Variants in USP32 observed in about 807,000 individuals in gnomAD.
USP32 encodes ubiquitin carboxyl-terminal hydrolase 32.
Under a neutral mutation model 204.8 loss-of-function variants are expected in USP32, and 59 were observed. The ratio of observed to expected loss-of-function variants is 0.29; its 90% CI spans 0.23 to 0.36. The LOEUF (loss-of-function observed/expected upper bound fraction) is 0.36, where lower values mean the gene tolerates loss of function less well. Ranked by LOEUF, USP32 falls within the 10% of genes least tolerant of loss-of-function variation. The pLI, the probability that USP32 is intolerant of heterozygous loss-of-function variation, is 1.00. For missense variants in USP32, 1,160 were observed against 1,946.4 expected (o/e 0.60, Z 7.60); for synonymous variants, 517 against 678.4 (o/e 0.76, Z 3.70).
chr17:60,412,785 G>C (rs1237853945), intron 1 of USP32, among the ~76,000 whole-genome samples: 4 of 152,000 alleles, frequency 2.6e-5, no homozygotes, highest in Non-Finnish European at 5.9e-5. Context: ...ATCATTCCCA[G>C]CTCCAACATT....
intron 1 of USP32, among the ~76,000 whole-genome samples, chr17:60,355,800 C>A (rs1483779138): frequency 7.4e-6 from 1 of 134,950 alleles, no homozygotes; most frequent in Admixed American, 8.5e-5. Flanking sequence ...CATGCCACTG[C>A]ACTCCAGGCT....
At chr17:60,194,670 C>T (rs1333139208) in intron 27 of USP32, among the ~76,000 whole-genome samples, 3 of 152,146 alleles carry the variant, frequency 2.0e-5, no homozygotes, top group African/African-American at 7.2e-5. Flanking sequence ...TTCCTCCACC[C>T]CATATGTAAA....
rs749169985 is a variant in USP32 at position 60,185,612 on chromosome 17, C to T, written c.3682G>A (p.Ala1228Thr). Residue 1228 changes from alanine to threonine, a missense_variant, in exon 30 of 34, where the codon GCG becomes ACG. Ala to Thr is a moderately conservative substitution (Grantham distance 58, BLOSUM62 0). This residue lies in a region of USP32 where 160 missense variants were observed against 322.5 expected (regional missense o/e 0.50). Transcript: ENST00000300896. Reference protein sequence around the residue: ...EHESVEQSRRAQAEPINLDSC... With the variant: ...EHESVEQSRRTQAEPINLDSC... ...TCCAGGTTGATGGGCTCGGCTTGCG[C>T]TCGCCGACTCTGCTCCACACTCTCA... 1 of 1,611,942 alleles carries T rather than the reference C, an allele frequency of 6.2e-7. No homozygotes were observed. The highest frequency in any genetic ancestry group is 8.5e-7 in the Non-Finnish European group (1 of 1,179,820).
intron 11 of USP32, among the ~76,000 whole-genome samples, chr17:60,237,858 C>T (rs8073310): frequency 0.044 from 6,758 of 152,140 alleles, 539 homozygotes; most frequent in African/African-American, 0.15. Flanking sequence ...CTGTTTCTAC[C>T]TTTTGGCTAT....
At position 60,226,174 on chromosome 17, in the gene USP32, A is replaced by G. The variant is rs144136223; in HGVS notation, c.1297T>C (p.Phe433Leu). The change falls in exon 13 of 34, where the codon TTT (phenylalanine) becomes CTT (leucine). Residue 433 changes from phenylalanine (F) to leucine (L), a missense_variant. This residue lies in a region of USP32 where 536 missense variants were observed against 680.9 expected (regional missense o/e 0.79). Transcript: ENST00000300896. The stretch of plus-strand genomic sequence containing the variant: ...TCCATAGGATGGGCTGCAGTTCCAA[A>G]TGAGTATTTTCCTCCATTCAAAACA... ...SSVLNGGKYSFGTAAHPMEQV... is the reference protein window; with the variant it reads ...SSVLNGGKYSLGTAAHPMEQV... 105 of 1,593,940 alleles carry G rather than the reference A, an allele frequency of 6.6e-5. No homozygotes were observed. The highest frequency in any genetic ancestry group is 8.8e-5 in the Non-Finnish European group (103 of 1,173,050).
chr17:60,392,315 C>G, upstream of USP32: 1 of 324,506 alleles, frequency 3.1e-6, no homozygotes, highest in Non-Finnish European at 5.8e-6. Context: ...CAGGGCCGCA[C>G]GCTCCGCCCC....
chr17:60,400,053 C>T (rs1307275581), intron 1 of USP32, among the ~76,000 whole-genome samples: 2 of 150,452 alleles, frequency 1.3e-5, no homozygotes, highest in Non-Finnish European at 3.0e-5. Flanking sequence ...CAACCTCCAC[C>T]TCCCAGGTTC....
intron 16 of USP32, among the ~76,000 whole-genome samples, chr17:60,215,860 C>T (rs1357380758): frequency 1.2e-4 from 18 of 151,998 alleles, no homozygotes; most frequent in Non-Finnish European, 7.4e-5. Context: ...TTCAAGTGAT[C>T]CTCGCACTTT....
chr17:60,363,356 G>A (rs2089248733), intron 1 of USP32, among the ~76,000 whole-genome samples: 1 of 150,502 alleles, frequency 6.6e-6, no homozygotes, highest in Non-Finnish European at 1.5e-5. Flanking sequence ...TCAGGAGGCT[G>A]AGGCAGGAGA....
intron 27 of USP32, among the ~76,000 whole-genome samples, chr17:60,193,159 C>T (rs2084429117): frequency 6.6e-6 from 1 of 152,146 alleles, no homozygotes; most frequent in Non-Finnish European, 1.5e-5. Context: ...CATAAGACTG[C>T]CAGATGTCTC....
chr17:60,419,881 T>C (rs1366941036), intron 1 of USP32, among the ~76,000 whole-genome samples: 1 of 147,042 alleles, frequency 6.8e-6, no homozygotes, highest in East Asian at 2.0e-4. Context: ...ATTATTTGAG[T>C]CGGAGTCTTG....
intron 1 of USP32, among the ~76,000 whole-genome samples, chr17:60,347,350 CA>C (rs1208100001): frequency 2.4e-5 from 3 of 125,664 alleles, no homozygotes; most frequent in African/African-American, 1.3e-4. Context: ...ACACCTGGCT[CA>C]TTTTTTTTTT....
chr17:60,351,583 G>A (rs1312616686), intron 1 of USP32, among the ~76,000 whole-genome samples: 3 of 149,130 alleles, frequency 2.0e-5, no homozygotes, highest in African/African-American at 2.6e-5. Flanking sequence ...ACGCACCACC[G>A]TGCCTGGCTA....
intron 1 of USP32, among the ~76,000 whole-genome samples, chr17:60,400,942 G>C (rs926753868): frequency 1.3e-5 from 2 of 152,138 alleles, no homozygotes; most frequent in African/African-American, 4.8e-5. Context: ...AGGATTGCTT[G>C]AGCCCAGCAG....
At chr17:60,199,854 A>G (rs1189265078) in intron 26 of USP32, among the ~76,000 whole-genome samples, 2 of 152,190 alleles carry the variant, frequency 1.3e-5, no homozygotes, top group African/African-American at 2.4e-5. Context: ...ATACTTTCTC[A>G]GTTACTACTG....
At chr17:60,401,380 A>G (rs2089934280) in intron 1 of USP32, among the ~76,000 whole-genome samples, 1 of 152,114 alleles carries the variant, frequency 6.6e-6, no homozygotes, top group South Asian at 2.1e-4. Flanking sequence ...AATTAAAAAG[A>G]GAAAGAAAGA....
chr17:60,257,352 A>AC (rs2086337531), intron 9 of USP32, among the ~76,000 whole-genome samples: 1 of 152,218 alleles, frequency 6.6e-6, no homozygotes, highest in Non-Finnish European at 1.5e-5. Context: ...GGGAGTCAGT[A>AC]TGAAACACAC....
intron 1 of USP32, among the ~76,000 whole-genome samples, chr17:60,347,351 A>ATTT (rs372941030): frequency 7.6e-6 from 1 of 131,218 alleles, no homozygotes; most frequent in Non-Finnish European, 1.6e-5. Flanking sequence ...CACCTGGCTC[A>ATTT]TTTTTTTTTT....
At chr17:60,379,094 G>C (rs899074126) in intron 1 of USP32, among the ~76,000 whole-genome samples, 47 of 152,104 alleles carry the variant, frequency 3.1e-4, no homozygotes, top group African/African-American at 1.1e-3. Flanking sequence ...ATATAATACT[G>C]ATCATGACTA....
Sources: allele counts gnomAD v4.1 joint callset (sites outside exome capture counted in the v4.1 genomes callset), GRCh38; gene constraint gnomAD v4.1.1; regional missense constraint gnomAD v4.1.1; transcripts MANE v1.5; gene names NCBI Gene and HGNC (gene_info 2026-07-23, HGNC 2026-07-21).